FIBCD1: variants seen among roughly 807,000 people sequenced by gnomAD.
FIBCD1 encodes the protein fibrinogen C domain containing 1.
FIBCD1 carries 47 observed loss-of-function variants against 45.1 expected under a neutral mutation model. The observed-to-expected ratio is 1.04, with a 90% CI of 0.82 to 1.33. The LOEUF is 1.33. Among genes scored for constraint, FIBCD1 ranks in the 40% most tolerant of loss-of-function variants. FIBCD1 has a pLI of 0.00. For synonymous variants in FIBCD1, 313 were observed against 308.1 expected, an observed-to-expected ratio of 1.02 and a Z score of -0.17; for missense variants, 653 against 682.2, an observed-to-expected ratio of 0.96 and a Z score of 0.48.
chr9:130,915,999 A>G (rs147466376), intron 4 of FIBCD1, among the ~76,000 whole-genome samples: 2,064 of 152,288 alleles, frequency 0.014, 44 homozygotes, highest in African/African-American at 0.046. Flanking sequence ...GCACGATCTC[A>G]GCTCACTGCA....
chr9:130,912,261 C>T (rs943951322), intron 4 of FIBCD1, among the ~76,000 whole-genome samples: 1 of 151,822 alleles, frequency 6.6e-6, no homozygotes, highest in Non-Finnish European at 1.5e-5. Flanking sequence ...TAAAAATTAG[C>T]CAGGTGTGAT....
rs144393868 is a variant in FIBCD1 at position 130,912,562 on chromosome 9, C to T, written c.850-674G>A. ...TCTCTACTGAAAATATAAAAATTAG[C>T]CAGGCTTGGTGGCATGCACCTGTAA... On this transcript the variant is annotated intron_variant, in intron 4 of 6. Transcript: ENST00000372338. Among the ~76,000 whole-genome samples the T allele has an allele frequency of 4.8e-4, 73 of 152,072 alleles. 1 individual carries two copies. In the East Asian group the frequency reaches 0.013, roughly 27 times the overall value.
Position 130,938,599 on chromosome 9 carries a change from G to C in FIBCD1, c.9C>G (p.Asn3Lys). The change falls in exon 1 of 7, where the codon AAC (asparagine) becomes AAG (lysine). Residue 3 changes from asparagine to lysine, a missense_variant. By Grantham distance (94) the Asn-to-Lys change is moderately conservative. Transcript: ENST00000372338. ...CGCCGCCCATGGTCTTCCACCGGTC[G>C]TTGACCATCTTCCGGCAGGACTGGC... is the stretch of plus-strand genomic sequence containing the variant. The part of the protein sequence containing the change: MV[N>K]DRWKTMGGAA... 1.4e-6 allele frequency: 2 copies of C among 1,466,270 alleles called. No individual in the cohort carries two copies. The highest frequency in any genetic ancestry group is 1.8e-6 in the Non-Finnish European group (2 of 1,111,040). 90.8% of individuals were successfully genotyped at this position (1,466,270 alleles called of 1,614,324 possible).
chr9:130,904,781 G>A (rs984632923), intron 6 of FIBCD1, among the ~76,000 whole-genome samples: 3 of 152,314 alleles, frequency 2.0e-5, no homozygotes, highest in Admixed American at 6.5e-5. Context: ...TGCTGGCTTC[G>A]CCTTGCAGGG....
In FIBCD1 at chr9:130,924,234, C is replaced by T. The variant is rs184563385; in HGVS notation, c.712+3G>A. 6,768 of 1,586,494 alleles carry T rather than the reference C, an allele frequency of 4.3e-3. 18 individuals are homozygous for T. The highest frequency in any genetic ancestry group is 5.6e-3 in the Admixed American group (322 of 57,388). ...GGAGGAAGGCAGGCCCTGCCCCACT[C>T]ACCAGTGGCACAGCCCCGGGGCCGG... On this transcript the variant is annotated splice_donor_region_variant and intron_variant, in intron 3 of 6. Coordinates refer to ENST00000372338, the MANE Select transcript of FIBCD1 (RefSeq NM_032843.5).
At chr9:130,915,278 C>G (rs1832138210) in intron 4 of FIBCD1, among the ~76,000 whole-genome samples, 1 of 152,232 alleles carries the variant, frequency 6.6e-6, no homozygotes, top group South Asian at 2.1e-4. Flanking sequence ...CCCCAGGGCT[C>G]CTCCTTGGTG....
rs763941092 is a variant in FIBCD1, at chr9:130,905,449, G to A, written c.947-36C>T. 7 of 1,587,774 alleles carry A rather than the reference G, an allele frequency of 4.4e-6. No homozygotes were observed. The East Asian group carries it at 6.8e-5, about 15-fold the overall frequency. ...GGGGAAAATGGTGGGAGAAGCTGAGGGGCGTAGGAAGCGACTCCCCAGGGA... is the reference window on the plus strand; with the variant it reads ...GGGGAAAATGGTGGGAGAAGCTGAGAGGCGTAGGAAGCGACTCCCCAGGGA... On this transcript the variant is annotated intron_variant, in intron 5 of 6. Transcript: ENST00000372338.
rs1337538033 is a variant in FIBCD1 at position 130,939,148 on chromosome 9, TC to T, written c.-542del. 10 of 151,674 alleles carry T rather than the reference TC, an allele frequency of 6.6e-5. No homozygotes were observed. Among genetic ancestry groups the T allele is most frequent in the African/African-American group, 2.4e-4 (10 of 41,294 alleles). The allele number at this position is 151,674 out of a possible 1,614,324, so 9.4% of individuals were successfully genotyped here. ...CGCGGGCGGCCCGGCTCCTGCTGGC[TC>T]CCGGAGGGGCCTGAGAGCCCCCCGG... On this transcript the variant is annotated 5_prime_UTR_variant, in exon 1 of 7. It removes the in-frame stop codon of an upstream open reading frame in the 5' UTR. Transcript: ENST00000372338.
chr9:130,923,609 G>A (rs1191830694), intron 4 of FIBCD1, 135 bp downstream of exon 4: 1 of 1,349,676 alleles, frequency 7.4e-7, no homozygotes, highest in Non-Finnish European at 1.0e-6. Context: ...AGGCAGAAGG[G>A]CACCAGGGCA....
At chr9:130,914,430 GGA>G (rs2133084486) in intron 4 of FIBCD1, among the ~76,000 whole-genome samples, 1 of 152,358 alleles carries the variant, frequency 6.6e-6, no homozygotes, top group East Asian at 1.9e-4. Flanking sequence ...TGGAGGTTGG[GGA>G]GAGAACAGGT....
chr9:130,921,632 T>C (rs1464526725), intron 4 of FIBCD1, among the ~76,000 whole-genome samples: 1 of 152,178 alleles, frequency 6.6e-6, no homozygotes, highest in Non-Finnish European at 1.5e-5. Flanking sequence ...ATTGGCTTCA[T>C]GTCCACCAGA....
intron 4 of FIBCD1, among the ~76,000 whole-genome samples, chr9:130,912,439 A>G (rs1419208092): frequency 6.9e-6 from 1 of 144,486 alleles, no homozygotes; most frequent in African/African-American, 2.6e-5. Flanking sequence ...GGGCACGGTG[A>G]CTCCCGCCTG....
intron 1 of FIBCD1, among the ~76,000 whole-genome samples, chr9:130,935,897 G>T (rs975990403): frequency 6.6e-6 from 1 of 152,178 alleles, no homozygotes; most frequent in South Asian, 2.1e-4. Context: ...CTTGGAGTGC[G>T]GCGTCAGCGT....
At position 130,904,293 on chromosome 9, in the gene FIBCD1, C is replaced by T; in HGVS notation, c.1157G>A (p.Arg386Lys). ...GCTGTCACGGTCCTTGGTGGTGAAC[C>T]TCATGCCGCTGTGCTTCAGGAGGGA... ...GDSLLKHSGM[R>K]FTTKDRDSDH... The change falls in exon 7 of 7, where the codon AGG (arginine) becomes AAG (lysine). Residue 386 changes from arginine to lysine, a missense_variant. By Grantham distance (26) the Arg-to-Lys change is conservative. Coordinates refer to ENST00000372338, the MANE Select transcript of FIBCD1 (RefSeq NM_032843.5). The T allele has an allele frequency of 6.2e-7, 1 of 1,610,932 alleles. No individual in the cohort carries two copies. The highest frequency in any genetic ancestry group is 8.5e-7 in the Non-Finnish European group (1 of 1,177,878).
intron 4 of FIBCD1, among the ~76,000 whole-genome samples, chr9:130,915,782 T>C (rs537274475): frequency 1.3e-5 from 2 of 152,336 alleles, no homozygotes; most frequent in African/African-American, 2.4e-5. Context: ...ATTGCGGACC[T>C]GCTCTTAAGG....
chr9:130,902,860 G>A lies in FIBCD1; in HGVS notation c.*1204C>T, dbSNP rs1831859895. 6.6e-6 allele frequency: 1 copy of A among 152,436 alleles called. No homozygotes were observed. The allele number at this position is 152,436 out of a possible 1,614,324, so 9.4% of individuals were successfully genotyped here. On this transcript the variant is annotated 3_prime_UTR_variant, in exon 7 of 7. Transcript: ENST00000372338. ...TCACCTCTGCATGTGTGCACACAAGGAGTGGGGATGACAGCGTGCTGGGTG... is the reference window on the plus strand; with the variant it reads ...TCACCTCTGCATGTGTGCACACAAGAAGTGGGGATGACAGCGTGCTGGGTG...
At chr9:130,910,468 C>T (rs1221886164) in intron 5 of FIBCD1, among the ~76,000 whole-genome samples, 1 of 152,338 alleles carries the variant, frequency 6.6e-6, no homozygotes, top group South Asian at 2.1e-4. Context: ...TGCTCCACAG[C>T]GCCCGGTCCC....
intron 1 of FIBCD1, among the ~76,000 whole-genome samples, chr9:130,937,711 T>A (rs1008239052): frequency 6.6e-6 from 1 of 152,210 alleles, no homozygotes; most frequent in African/African-American, 2.4e-5. Flanking sequence ...CCCCAGTCCC[T>A]TGGCAGCCCA....
chr9:130,939,634 CCAGCCGCTCCGCGCT>C (rs1832584266), upstream of FIBCD1, among the ~76,000 whole-genome samples: 1 of 151,606 alleles, frequency 6.6e-6, no homozygotes, highest in Admixed American at 6.6e-5. Context: ...GTCGCGAGTA[CCAGCCGCTCCGCGCT>C]CGGCCGCGCT....
Sources: gnomAD v4.1 joint callset for allele counts (sites outside exome capture counted in the v4.1 genomes callset) on GRCh38, gnomAD v4.1.1 for gene constraint, MANE v1.5 for transcripts, NCBI Gene and HGNC (gene_info 2026-07-23, HGNC 2026-07-21) for gene names.